The following ZNF610 variants were observed in gnomAD, a reference collection of about 807,000 sequenced individuals.
ZNF610 encodes the protein zinc finger protein 610.
Under a neutral mutation model 14.1 loss-of-function variants are expected in ZNF610, and 14 were observed. The observed-to-expected ratio is 0.99, with a 90% CI of 0.65 to 1.55. The LOEUF (loss-of-function observed/expected upper bound fraction) is 1.55. Ranked by LOEUF, ZNF610 falls within the 40% of genes most tolerant of loss-of-function variation. ZNF610 has a pLI of 0.00. For synonymous variants in ZNF610, 185 were observed against 187.6 expected (o/e 0.99, Z 0.11); for missense variants, 530 against 558.0 (o/e 0.95, Z 0.51).
In ZNF610 at chr19:52,354,268, C is replaced by T. The variant is rs780726546; in HGVS notation, c.208C>T (p.Leu70=). ...LVFLGICLPD[L]SIISMLKQRR... The stretch of plus-strand genomic sequence containing the variant: ...ATTAACAGGAATCTGTCTTCCTGAC[C>T]TAAGTATTATTTCCATGTTGAAGCA... Residue 70 remains leucine, a synonymous_variant, in exon 5 of 6, where the codon CTA becomes TTA. Coordinates refer to ENST00000403906, the MANE Select transcript of ZNF610 (RefSeq NM_001161425.2). 33 of 1,613,920 alleles carry T rather than the reference C, an allele frequency of 2.0e-5. No individual in the cohort carries two copies. The highest frequency in any genetic ancestry group is 2.7e-5 in the Non-Finnish European group (32 of 1,180,002).
upstream of ZNF610, among the ~76,000 whole-genome samples, chr19:52,335,753 C>A (rs1256185941): frequency 6.6e-6 from 1 of 152,212 alleles, no homozygotes; most frequent in Non-Finnish European, 1.5e-5. Flanking sequence ...ATTGCACATG[C>A]TACCCAGGCA....
chr19:52,349,062 G>A (rs143951904), intron 2 of ZNF610, 92 bp from the exon 3 acceptor site: 12 of 847,946 alleles, frequency 1.4e-5, no homozygotes, highest in East Asian at 7.7e-5. Flanking sequence ...ACATCTTTCC[G>A]CAGGATTAGG....
rs149215915 is a variant in ZNF610 at position 52,356,734 on chromosome 19, A to AT, written c.319+2361dup. Among the ~76,000 whole-genome samples, 710 of 152,236 alleles carry AT rather than the reference A, an allele frequency of 4.7e-3. 12 individuals carry two copies. In the East Asian group the frequency reaches 0.072, roughly 16 times the overall value. On this transcript the variant is annotated intron_variant, in intron 5 of 5. Transcript: ENST00000403906. Reference sequence around the variant, plus strand: ...ATGTATTACAGTGTATAATATGGAAATTTTTTATATCTTAAGAATATGCTG... The same window carrying AT: ...ATGTATTACAGTGTATAATATGGAAATTTTTTTATATCTTAAGAATATGCTG...
chr19:52,340,680 A>ATTT (rs1353455702), intron 1 of ZNF610, among the ~76,000 whole-genome samples: 1 of 150,294 alleles, frequency 6.7e-6, no homozygotes, highest in Non-Finnish European at 1.5e-5. Flanking sequence ...AATTATTATT[A>ATTT]TTATTATTAT....
At chr19:52,355,850 C>G (rs1568651780) in intron 5 of ZNF610, among the ~76,000 whole-genome samples, 1 of 152,234 alleles carries the variant, frequency 6.6e-6, no homozygotes, top group Non-Finnish European at 1.5e-5. Context: ...GGAAGATTGA[C>G]TGGGTGTGCC....
chr19:52,356,517 C>T lies in ZNF610; in HGVS notation c.319+2138C>T, dbSNP rs540598970. ...TGTTTATTATTTTGTATCTGTAGGG[C>T]TGTAGTATCAGGGAATGGCCATTGA... is the stretch of plus-strand genomic sequence containing the variant. On this transcript the variant is annotated intron_variant, in intron 5 of 5. Coordinates refer to ENST00000403906, the MANE Select transcript of ZNF610 (RefSeq NM_001161425.2). Among the ~76,000 whole-genome samples, 9 of 152,150 alleles carry T rather than the reference C, an allele frequency of 5.9e-5. No homozygotes were observed. In the South Asian group the frequency reaches 1.5e-3, roughly 25 times the overall value.
At chr19:52,334,936 A>AACAAACACACACACACACACACACAC (rs1555800373), upstream of ZNF610, among the ~76,000 whole-genome samples, 47 of 41,612 alleles carry the variant, frequency 1.1e-3, no homozygotes, top group Non-Finnish European at 2.0e-3. Context: ...CTCAAAAACA[A>AACAAACACACACACACACACACACAC]ACACACACAC....
rs916668349 is a variant in ZNF610, at chr19:52,367,754, TGA to T, written c.*989_*990del. The T allele has an allele frequency of 3.9e-5, 6 of 152,168 alleles. No individual in the cohort carries two copies. Among genetic ancestry groups the T allele is most frequent in the Non-Finnish European group, 7.3e-5 (5 of 68,034 alleles). The allele number at this position is 152,168 out of a possible 1,614,324, so 9.4% of individuals were successfully genotyped here. A position where few individuals can be genotyped will look rare whatever the true frequency, so the allele number is the denominator to read the frequency against. On this transcript the variant is annotated 3_prime_UTR_variant, in exon 6 of 6. Coordinates refer to ENST00000403906, the MANE Select transcript of ZNF610 (RefSeq NM_001161425.2). Reference sequence around the variant, plus strand: ...AGCCTTGTACACCCTCAAATGTGTGTGAGTGTTAAAGAGTATGCCCTGTATTG... The same window carrying T: ...AGCCTTGTACACCCTCAAATGTGTGTGTGTTAAAGAGTATGCCCTGTATTG...
chr19:52,360,488 A>G (rs983759575), intron 5 of ZNF610, among the ~76,000 whole-genome samples: 5 of 152,178 alleles, frequency 3.3e-5, no homozygotes, highest in African/African-American at 1.2e-4. Flanking sequence ...ATTTTTTCCT[A>G]ATTATGAAGG....
At position 52,365,689 on chromosome 19, in the gene ZNF610, C is replaced by T; in HGVS notation, c.320-9C>T. The T allele has an allele frequency of 1.3e-6, 2 of 1,586,286 alleles. No homozygotes were observed. The highest frequency in any genetic ancestry group is 2.7e-5 in the African/African-American group (2 of 73,500). ...ATGGGTTCATGTTCTACTCTTTCTT[C>T]TTTTCTAGGGAGGAGCTGTGTATTG... On this transcript the variant is annotated splice_polypyrimidine_tract_variant and intron_variant, in intron 5 of 5. Coordinates refer to ENST00000403906, the MANE Select transcript of ZNF610 (RefSeq NM_001161425.2).
intron 5 of ZNF610, among the ~76,000 whole-genome samples, chr19:52,363,566 T>TA (rs144415863): frequency 7.0e-4 from 106 of 152,360 alleles, no homozygotes; most frequent in African/African-American, 2.5e-3. Context: ...CCTATATATT[T>TA]ATAGTTGTTA....
At chr19:52,350,150 G>A (rs1048889712) in intron 3 of ZNF610, among the ~76,000 whole-genome samples, 3 of 152,162 alleles carry the variant, frequency 2.0e-5, no homozygotes, top group Admixed American at 2.0e-4. Context: ...TGTCATTAAA[G>A]AGGTGGAAAT....
chr19:52,330,531 ATT>A, the ZNF610 span: 1 of 152,186 alleles, frequency 6.6e-6, no homozygotes, highest in Non-Finnish European at 1.5e-5. Flanking sequence ...TTTTCTAATA[ATT>A]TGTTTCCATT....
chr19:52,357,421 G>A lies in ZNF610; in HGVS notation c.319+3042G>A, dbSNP rs143625043. Among the ~76,000 whole-genome samples, 368 of 152,088 alleles carry A rather than the reference G, an allele frequency of 2.4e-3. 2 individuals are homozygous for A. Among genetic ancestry groups the A allele is most frequent in the African/African-American group, 8.0e-3 (332 of 41,522 alleles). Reference sequence around the variant, plus strand: ...AGCACTTTGGGAGGCCCAGGCGGGCGGATCACGAGGTCAGGAGATCGAGAT... The same window carrying A: ...AGCACTTTGGGAGGCCCAGGCGGGCAGATCACGAGGTCAGGAGATCGAGAT... On this transcript the variant is annotated intron_variant, in intron 5 of 5. Transcript: ENST00000403906.
At chr19:52,360,407 A>G (rs1985720132) in intron 5 of ZNF610, among the ~76,000 whole-genome samples, 1 of 152,246 alleles carries the variant, frequency 6.6e-6, no homozygotes, top group African/African-American at 2.4e-5. Context: ...GGTTCCTGGA[A>G]CCAGTCTTCC....
rs554892932 is a variant in ZNF610, at chr19:52,354,184, A to G, written c.191-67A>G. 20 of 1,592,290 alleles carry G rather than the reference A, an allele frequency of 1.3e-5. No individual in the cohort carries two copies. In the African/African-American group the frequency reaches 2.4e-4, roughly 19 times the overall value. On this transcript the variant is annotated intron_variant, in intron 4 of 5. Transcript: ENST00000403906. Reference sequence around the variant, plus strand: ...ATCCATTTGCGATATCCCCTCTCTTACCTAAACACAGGGTTTGGGTTTTGG... The same window carrying G: ...ATCCATTTGCGATATCCCCTCTCTTGCCTAAACACAGGGTTTGGGTTTTGG...
intron 3 of ZNF610, among the ~76,000 whole-genome samples, chr19:52,349,573 A>ATT (rs909735950): frequency 1.5e-5 from 2 of 132,728 alleles, no homozygotes. Context: ...GAAGTCACGT[A>ATT]TTTTTTTTTT....
At chr19:52,331,758 T>C (rs1984219733), upstream of ZNF610, among the ~76,000 whole-genome samples, 2 of 152,220 alleles carry the variant, frequency 1.3e-5, no homozygotes, top group Non-Finnish European at 2.9e-5. Flanking sequence ...ACAATCACCC[T>C]GCCTTTCTCG....
intron 1 of ZNF610, among the ~76,000 whole-genome samples, chr19:52,340,417 G>T (rs1984630567): frequency 6.6e-6 from 1 of 152,048 alleles, no homozygotes; most frequent in Admixed American, 6.6e-5. Context: ...GTGATGGGCG[G>T]CATAGTATTC....
Sources: allele counts gnomAD v4.1 joint callset (sites outside exome capture counted in the v4.1 genomes callset), GRCh38; gene constraint gnomAD v4.1.1; transcripts MANE v1.5; gene names NCBI Gene and HGNC (gene_info 2026-07-23, HGNC 2026-07-21).